Variants in COL27A1 observed in about 807,000 individuals in gnomAD.
COL27A1 encodes collagen alpha-1(XXVII) chain.
In COL27A1, 106 loss-of-function variants were observed where a neutral mutation model predicts 251.3. The observed-to-expected ratio is 0.42, with a 90% confidence interval of 0.36 to 0.50. The LOEUF is 0.50. COL27A1 is among the 20% of genes least tolerant of loss of function. The probability of loss-of-function intolerance (pLI) is 0.00; values close to 1 mark genes in which losing one functional copy is unlikely to be tolerated. For missense variants in COL27A1, 2,325 were observed against 2,522.8 expected (o/e 0.92, Z 1.68); for synonymous variants, 1,000 against 986.3 (o/e 1.01, Z -0.26).
chr9:114,294,284 T>C (rs1828124448), intron 49 of COL27A1, among the ~76,000 whole-genome samples: 1 of 150,170 alleles, frequency 6.7e-6, no homozygotes, highest in African/African-American at 2.4e-5. Context: ...GAATACCAAT[T>C]CTACATAACT....
chr9:114,282,152 T>C, intron 37 of COL27A1, 125 bp from the exon 38 acceptor site: 1 of 774,898 alleles, frequency 1.3e-6, no homozygotes, highest in East Asian at 2.5e-5. Flanking sequence ...GGGTACTGGG[T>C]GGCAGAATCA....
Position 114,195,934 on chromosome 9 carries a change from C to T in COL27A1, c.2071-25C>T, listed in dbSNP as rs2567710. The T allele has an allele frequency of 0.12, 195,572 of 1,590,136 alleles. 14,810 individuals are homozygous for T. Among genetic ancestry groups the T allele is most frequent in the African/African-American group, 0.34 (25,518 of 74,500 alleles). On this transcript the variant is annotated intron_variant, in intron 6 of 60. Transcript: ENST00000356083. ...TGTCTCTGCTCCCGTTTTCCTGCCT[C>T]ACCCACCTTGTCTGTGTCTTCCAGG... is the stretch of plus-strand genomic sequence containing the variant.
intron 1 of COL27A1, among the ~76,000 whole-genome samples, chr9:114,160,312 G>A (rs962578851): frequency 6.6e-5 from 10 of 151,934 alleles, no homozygotes; most frequent in African/African-American, 2.4e-5. Flanking sequence ...CCGCCACCAC[G>A]CCTGGCTAAT....
rs1261635297 is a variant in COL27A1 at position 114,301,083 on chromosome 9, C to T, written c.4713C>T (p.Gly1571=). ...TCTGTCTCCTTTAGGGAAAGGAAGGCATCGTCGGGCCCCTCGGAATCCTGG... is the reference window on the plus strand; with the variant it reads ...TCTGTCTCCTTTAGGGAAAGGAAGGTATCGTCGGGCCCCTCGGAATCCTGG... ...RGPPGLMGKE[G]IVGPLGILGP... is the part of the protein sequence containing the mutation. The change falls in exon 52 of 61, where the codon GGC becomes GGT. Residue 1571 remains glycine, a synonymous_variant. Transcript: ENST00000356083. 3.1e-6 allele frequency: 5 copies of T among 1,611,240 alleles called. No homozygotes were observed. The highest frequency in any genetic ancestry group is 4.2e-6 in the Non-Finnish European group (5 of 1,178,534).
chr9:114,226,351 GT>G (rs1564492204), intron 14 of COL27A1, among the ~76,000 whole-genome samples: 1 of 152,212 alleles, frequency 6.6e-6, no homozygotes, highest in Non-Finnish European at 1.5e-5. Flanking sequence ...GCTGTGCCAA[GT>G]TTTTAGTTGT....
rs556281969 is a variant in COL27A1, at chr9:114,300,257, C to T, written c.4638+134C>T. The T allele has an allele frequency of 1.1e-5, 9 of 830,446 alleles. No homozygotes were observed. The East Asian group carries it at 2.1e-4, about 19-fold the overall frequency. The allele number at this position is 830,446 out of a possible 1,614,324, so 51.4% of individuals were successfully genotyped here. A position where few individuals can be genotyped will look rare whatever the true frequency, so the allele number is the denominator to read the frequency against. On this transcript the variant is annotated intron_variant, in intron 50 of 60. Coordinates refer to ENST00000356083, the MANE Select transcript of COL27A1 (RefSeq NM_032888.4). ...AAACAGCCAGAATCAGGCATGAACACCCTCATCCCCCAGTACTCCAGAAGA... is the reference window on the plus strand; with the variant it reads ...AAACAGCCAGAATCAGGCATGAACATCCTCATCCCCCAGTACTCCAGAAGA...
At position 114,168,516 on chromosome 9, in the gene COL27A1, C is replaced by T. The variant is rs781383926; in HGVS notation, c.961C>T (p.Pro321Ser). The stretch of plus-strand genomic sequence containing the variant: ...GGCGGTGGGAGGCCCAGCCCAAACC[C>T]CGCTGCTACCTGCCAAGCTGTCAGC... ...HMAVGGPAQTPLLPAKLSASN... is the reference protein window; with the variant it reads ...HMAVGGPAQTSLLPAKLSASN... Residue 321 changes from proline (P) to serine (S), a missense_variant, in exon 3 of 61, where the codon CCG becomes TCG. Around this residue, in one of 4 missense-constraint regions of COL27A1, gnomAD observed 1,183 missense variants for 1,144.1 expected, o/e 1.03. Transcript: ENST00000356083. The T allele has an allele frequency of 4.8e-5, 78 of 1,613,934 alleles. No homozygotes were observed. In the Middle Eastern group the frequency reaches 2.3e-3, roughly 48 times the overall value.
In COL27A1 at chr9:114,236,094, T is replaced by TAC. The variant is rs367994236; in HGVS notation, c.2619+458_2619+459dup. Among the ~76,000 whole-genome samples the TAC allele has an allele frequency of 3.7e-3, 554 of 150,426 alleles. 1 individual carries two copies. Among genetic ancestry groups the TAC allele is most frequent in the Middle Eastern group, 0.017 (5 of 290 alleles). On this transcript the variant is annotated intron_variant, in intron 17 of 60. Coordinates refer to ENST00000356083, the MANE Select transcript of COL27A1 (RefSeq NM_032888.4). ...CTGAACCGCCTGCCGTGGGCCTCTGTACACACACACACACACAGACTGCTA... is the reference window on the plus strand; with the variant it reads ...CTGAACCGCCTGCCGTGGGCCTCTGTACACACACACACACACACAGACTGCTA...
intron 21 of COL27A1, 130 bp from the exon 22 acceptor site, chr9:114,242,057 C>T (rs552442115): frequency 2.6e-5 from 19 of 729,542 alleles, no homozygotes; most frequent in African/African-American, 7.3e-5. Context: ...GTGGGCCAGG[C>T]GTGCTGTTTC....
chr9:114,250,755 T>C, intron 25 of COL27A1, 87 bp downstream of exon 25: 1 of 1,186,480 alleles, frequency 8.4e-7, no homozygotes, highest in Non-Finnish European at 1.3e-6. Context: ...GACCTGGGGA[T>C]TTCAGAATAC....
intron 2 of COL27A1, among the ~76,000 whole-genome samples, chr9:114,165,112 C>T (rs988888573): frequency 6.6e-6 from 1 of 152,144 alleles, no homozygotes; most frequent in African/African-American, 2.4e-5. Context: ...TCCTAACAAC[C>T]CTATGGTGTA....
At chr9:114,220,131 T>G (rs1830979018) in intron 13 of COL27A1, among the ~76,000 whole-genome samples, 1 of 152,088 alleles carries the variant, frequency 6.6e-6, no homozygotes. Context: ...CATGGGTCAC[T>G]CCCCACTGGA....
At chr9:114,215,601 G>A (rs937090250) in intron 12 of COL27A1, among the ~76,000 whole-genome samples, 2 of 152,198 alleles carry the variant, frequency 1.3e-5, no homozygotes, top group African/African-American at 4.8e-5. Flanking sequence ...TTCCATGTCA[G>A]CACGCTTGGA....
intron 3 of COL27A1, 49 bp downstream of exon 3, chr9:114,169,512 T>C: frequency 7.1e-7 from 1 of 1,411,810 alleles, no homozygotes; most frequent in Non-Finnish European, 9.5e-7. Context: ...AGTGGGGGAC[T>C]GGGGCATTGG....
At chr9:114,284,934 T>G (rs998259808) in intron 41 of COL27A1, among the ~76,000 whole-genome samples, 157 bp downstream of exon 41, 8 of 152,208 alleles carry the variant, frequency 5.3e-5, no homozygotes, top group Non-Finnish European at 1.0e-4. Flanking sequence ...ACTGCCACTG[T>G]GCCCAGCCCG....
chr9:114,269,020 C>T lies in COL27A1; in HGVS notation c.3502-221C>T, dbSNP rs1588832875. Reference sequence around the variant, plus strand: ...GGATGATGGTGTTGGTGCTAATTGTCCTCCTGTCCTGGCGTGGGAGAAGAA... The same window carrying T: ...GGATGATGGTGTTGGTGCTAATTGTTCTCCTGTCCTGGCGTGGGAGAAGAA... On this transcript the variant is annotated intron_variant, in intron 34 of 60. Coordinates refer to ENST00000356083, the MANE Select transcript of COL27A1 (RefSeq NM_032888.4). 2.0e-5 allele frequency: 10 copies of T among 489,978 alleles called. No individual in the cohort carries two copies. The East Asian group carries it at 2.8e-4, about 14-fold the overall frequency. 30.4% of individuals were successfully genotyped at this position (489,978 alleles called of 1,614,324 possible).
intron 28 of COL27A1, 145 bp from the exon 29 acceptor site, chr9:114,264,210 G>A: frequency 1.7e-6 from 1 of 576,990 alleles, no homozygotes; most frequent in Non-Finnish European, 2.9e-6. Context: ...CCACCTCAGT[G>A]GGGAGTGTGT....
rs1024715762 is a variant in COL27A1, at chr9:114,309,437, G to A, written c.5395G>A (p.Gly1799Arg). The change falls in exon 60 of 61, where the codon GGG (glycine) becomes AGG (arginine). Residue 1799 changes from glycine to arginine, a missense_variant. Physicochemically the swap from Gly to Arg is moderately radical, Grantham distance 125 (BLOSUM62 -2). Around this residue, in one of 4 missense-constraint regions of COL27A1, gnomAD observed 327 missense variants for 442.8 expected, o/e 0.74. Transcript: ENST00000356083. ...CTGGAATGGACAGATTTTTGAAGCT[G>A]GGGGTCAGTTCCGGCCCGAGGTGTC... Reference protein sequence around the residue: ...RAWNGQIFEAGGQFRPEVSMD... With the variant: ...RAWNGQIFEARGQFRPEVSMD... The A allele has an allele frequency of 8.1e-6, 13 of 1,614,018 alleles. No individual in the cohort carries two copies. Among genetic ancestry groups the A allele is most frequent in the Non-Finnish European group, 1.1e-5 (13 of 1,179,998 alleles).
At chr9:114,182,168 A>G (rs1005492376) in intron 4 of COL27A1, among the ~76,000 whole-genome samples, 1 of 121,650 alleles carries the variant, frequency 8.2e-6, no homozygotes, top group Non-Finnish European at 1.7e-5. Flanking sequence ...GCAAGACTCC[A>G]TCTCTATAAA....
Sources: gnomAD v4.1 joint callset for allele counts (sites outside exome capture counted in the v4.1 genomes callset) on GRCh38, gnomAD v4.1.1 for gene constraint, gnomAD v4.1.1 regional missense constraint, MANE v1.5 for transcripts, NCBI Gene and HGNC (gene_info 2026-07-23, HGNC 2026-07-21) for gene names.